PCDHGC5: variants seen among roughly 807,000 people sequenced by gnomAD.
The protein encoded by PCDHGC5 is protocadherin gamma subfamily C, 5.
Under a neutral mutation model 59.0 loss-of-function variants are expected in PCDHGC5, and 25 were observed. The observed-to-expected ratio is 0.42, with a 90% CI of 0.31 to 0.59. The LOEUF (loss-of-function observed/expected upper bound fraction) is 0.59, where lower values mean the gene tolerates loss of function less well. PCDHGC5 is among the 20% of genes least tolerant of loss of function. The probability of loss-of-function intolerance (pLI) is 0.13; values close to 1 mark genes in which losing one functional copy is unlikely to be tolerated. For synonymous variants in PCDHGC5, 434 were observed against 505.5 expected, an observed-to-expected ratio of 0.86 and a Z score of 1.90; for missense variants, 1,067 against 1,206.4, an observed-to-expected ratio of 0.88 and a Z score of 1.71.
Position 141,502,866 on chromosome 5 carries a change from C to CTTTTTTTTTTTTTT in PCDHGC5, c.2520-2526_2520-2513dup, listed in dbSNP as rs549047197. Among the ~76,000 whole-genome samples the CTTTTTTTTTTTTTT allele has an allele frequency of 1.6e-4, 20 of 128,024 alleles. 4 individuals are homozygous for CTTTTTTTTTTTTTT. The highest frequency in any genetic ancestry group is 2.6e-4 in the Admixed American group (3 of 11,660). 84.0% of individuals were successfully genotyped at this position (128,024 alleles called of 152,430 possible). A position where few individuals can be genotyped will look rare whatever the true frequency, so the allele number is the denominator to read the frequency against. The stretch of plus-strand genomic sequence containing the variant: ...GAGCTGCCTAACCCTGACTCTCTGT[C>CTTTTTTTTTTTTTT]TTTTTTTTTTTTTTGACAGGGAGTC... On this transcript the variant is annotated intron_variant, in intron 2 of 3. Transcript: ENST00000252087.
intron 3 of PCDHGC5, 120 bp downstream of exon 3, chr5:141,505,601 C>T (rs1171679451): frequency 6.4e-7 from 1 of 1,550,630 alleles, no homozygotes; most frequent in Non-Finnish European, 8.7e-7. Flanking sequence ...GATCTTTCGG[C>T]AGGTCTGAAA....
rs528779386 is a variant in PCDHGC5, at chr5:141,509,416, C to T, written c.2609-1531C>T. Among the ~76,000 whole-genome samples, 4 of 152,258 alleles carry T rather than the reference C, an allele frequency of 2.6e-5. No individual in the cohort carries two copies. In the East Asian group the frequency reaches 7.7e-4, roughly 29 times the overall value. ...TCTCAGGGCCTCCAGCAGCGAGCCCCAATGAGTCAAACTCTTGTTTCCTCC... is the reference window on the plus strand; with the variant it reads ...TCTCAGGGCCTCCAGCAGCGAGCCCTAATGAGTCAAACTCTTGTTTCCTCC... On this transcript the variant is annotated intron_variant, in intron 3 of 3. Transcript: ENST00000252087.
chr5:141,494,546 G>T (rs984336435), intron 1 of PCDHGC5, among the ~76,000 whole-genome samples: 1 of 152,152 alleles, frequency 6.6e-6, no homozygotes, highest in African/African-American at 2.4e-5. Context: ...GGAGGAAGGG[G>T]CCATTTCTTT....
chr5:141,491,407 G>A lies in PCDHGC5; in HGVS notation c.2167G>A (p.Gly723Arg). ...GAAGTGCCTTCAGGGAAACGCAGAC[G>A]GGGACGGGGGTGGAGGGCAGTGCTG... is the stretch of plus-strand genomic sequence containing the variant. ...SAKCLQGNAD[G>R]DGGGGQCCRR... Residue 723 changes from glycine to arginine, a missense_variant, in exon 1 of 4, where the codon GGG becomes AGG. Transcript: ENST00000252087. The surrounding 1 kb of genome is among the most constrained non-coding windows in gnomAD (Gnocchi z 6.9). The A allele has an allele frequency of 6.2e-7, 1 of 1,614,116 alleles. No individual in the cohort carries two copies. The highest frequency in any genetic ancestry group is 8.5e-7 in the Non-Finnish European group (1 of 1,180,000).
At chr5:141,507,178 G>A (rs548016031) in intron 3 of PCDHGC5, 4 of 152,350 alleles carry the variant, frequency 2.6e-5, no homozygotes, top group East Asian at 3.9e-4. Flanking sequence ...CCTCTTCCTC[G>A]AGCTCTGCTT....
rs2099727742 is a variant in PCDHGC5 at position 141,491,740 on chromosome 5, G to C, written c.2460+40G>C. On this transcript the variant is annotated intron_variant, in intron 1 of 3. Coordinates refer to ENST00000252087, the MANE Select transcript of PCDHGC5 (RefSeq NM_018929.3). The surrounding 1 kb of genome is among the most constrained non-coding windows in gnomAD (Gnocchi z 6.9). Reference sequence around the variant, plus strand: ...GCCGCCCCGGGCGACCCCTGGGGGCGGCACTGGAGAAGCCGCCCGTCCTCA... The same window carrying C: ...GCCGCCCCGGGCGACCCCTGGGGGCCGCACTGGAGAAGCCGCCCGTCCTCA... The C allele has an allele frequency of 6.3e-7, 1 of 1,597,622 alleles. No homozygotes were observed. The highest frequency in any genetic ancestry group is 8.5e-7 in the Non-Finnish European group (1 of 1,173,228).
In PCDHGC5 at chr5:141,505,598, C is replaced by T. The variant is rs532473064; in HGVS notation, c.2608+117C>T. The T allele has an allele frequency of 1.4e-3, 2,157 of 1,556,732 alleles. 3 individuals are homozygous for T. Among genetic ancestry groups the T allele is most frequent in the Non-Finnish European group, 1.8e-3 (2,025 of 1,148,246 alleles). ...ACCTGTGTAGTTTCTCCAGATCTTT[C>T]GGCAGGTCTGAAAGGACCCACAATT... On this transcript the variant is annotated intron_variant, in intron 3 of 3. Coordinates refer to ENST00000252087, the MANE Select transcript of PCDHGC5 (RefSeq NM_018929.3).
Position 141,501,290 on chromosome 5 carries a change from TACACACACACACAC to T in PCDHGC5, c.2520-4072_2520-4059del, listed in dbSNP as rs55762287. ...GTCCAGTCTATGGGATATTCCCTTA[TACACACACACACAC>T]ACACACACACACACACACACACACA... On this transcript the variant is annotated intron_variant, in intron 2 of 3. Transcript: ENST00000252087. Among the ~76,000 whole-genome samples, 10 of 136,248 alleles carry T rather than the reference TACACACACACACAC, an allele frequency of 7.3e-5. No homozygotes were observed. In the South Asian group the frequency reaches 1.2e-3, roughly 16 times the overall value. 89.4% of individuals were successfully genotyped at this position (136,248 alleles called of 152,430 possible).
chr5:141,508,550 G>T (rs1440375100), intron 3 of PCDHGC5, among the ~76,000 whole-genome samples: 3 of 152,138 alleles, frequency 2.0e-5, no homozygotes, highest in Non-Finnish European at 1.5e-5. Flanking sequence ...GGTGGGCGGG[G>T]GATGGCTTTG....
At chr5:141,507,896 G>A (rs1457319438) in intron 3 of PCDHGC5, among the ~76,000 whole-genome samples, 1 of 152,210 alleles carries the variant, frequency 6.6e-6, no homozygotes, top group African/African-American at 2.4e-5. Flanking sequence ...GGTTCCTGAA[G>A]TCCAGCCCAG....
Position 141,490,019 on chromosome 5 carries a change from T to C in PCDHGC5, c.779T>C (p.Leu260Pro). 2 of 1,614,272 alleles carry C rather than the reference T, an allele frequency of 1.2e-6. No homozygotes were observed. Among genetic ancestry groups the C allele is most frequent in the East Asian group, 2.2e-5 (1 of 44,886 alleles). ...CCAGAGAATGCACCCATTGGTACTCTGCTGCTCCGCCTCAATGCCACTGAT... is the reference window on the plus strand; with the variant it reads ...CCAGAGAATGCACCCATTGGTACTCCGCTGCTCCGCCTCAATGCCACTGAT... ...GIPENAPIGT[L>P]LLRLNATDPD... Residue 260 changes from leucine to proline, a missense_variant, in exon 1 of 4, where the codon CTG becomes CCG. Leu to Pro is a moderately conservative substitution (Grantham distance 98). Coordinates refer to ENST00000252087, the MANE Select transcript of PCDHGC5 (RefSeq NM_018929.3). This position sits in a 1 kb window ranked among gnomAD's most constrained non-coding sequence, Gnocchi z 5.4.
intron 2 of PCDHGC5, among the ~76,000 whole-genome samples, chr5:141,498,789 C>T (rs1302940884): frequency 6.6e-6 from 1 of 151,980 alleles, no homozygotes; most frequent in Non-Finnish European, 1.5e-5. Context: ...AAATATTAGC[C>T]AGGTGTGGTG....
At chr5:141,500,562 T>A (rs2099801387) in intron 2 of PCDHGC5, among the ~76,000 whole-genome samples, 1 of 152,202 alleles carries the variant, frequency 6.6e-6, no homozygotes, top group Admixed American at 6.5e-5. Flanking sequence ...CACAAACTTG[T>A]CACACTTTCA....
Position 141,493,508 on chromosome 5 carries a change from C to T in PCDHGC5, c.2461-1299C>T, listed in dbSNP as rs2099748607. 1.3e-5 allele frequency among the ~76,000 whole-genome samples: 2 copies of T among 152,284 alleles called. No homozygotes were observed. The highest frequency in any genetic ancestry group is 4.1e-4 in the South Asian group (2 of 4,820). On this transcript the variant is annotated intron_variant, in intron 1 of 3. Transcript: ENST00000252087. The surrounding 1 kb of genome is among the most constrained non-coding windows in gnomAD (Gnocchi z 4.3). Reference sequence around the variant, plus strand: ...TCTTCTGTGGCTCCTCATTTCTGAGCAGTCCCCGCAGCGCAAACTTGGCCA... The same window carrying T: ...TCTTCTGTGGCTCCTCATTTCTGAGTAGTCCCCGCAGCGCAAACTTGGCCA...
intron 1 of PCDHGC5, among the ~76,000 whole-genome samples, chr5:141,494,463 C>G (rs1178793763): frequency 6.6e-6 from 1 of 152,154 alleles, no homozygotes; most frequent in Non-Finnish European, 1.5e-5. Context: ...TTGTCTGCAC[C>G]TCTTCCCCCA....
At position 141,491,960 on chromosome 5, in the gene PCDHGC5, A is replaced by T. The variant is rs1380758016; in HGVS notation, c.2460+260A>T. The T allele has an allele frequency of 1.0e-6, 1 of 984,842 alleles. No individual in the cohort carries two copies. The highest frequency in any genetic ancestry group is 3.0e-5 in the East Asian group (1 of 33,312). 61.0% of individuals were successfully genotyped at this position (984,842 alleles called of 1,614,324 possible). A position where few individuals can be genotyped will look rare whatever the true frequency, so the allele number is the denominator to read the frequency against. On this transcript the variant is annotated intron_variant, in intron 1 of 3. Coordinates refer to ENST00000252087, the MANE Select transcript of PCDHGC5 (RefSeq NM_018929.3). The surrounding 1 kb of genome is among the most constrained non-coding windows in gnomAD (Gnocchi z 6.9). ...CGACCCCCACCCCTACACTCAAAAA[A>T]GGCCGGGGCCTCCTTCGAGCTTCCG...
chr5:141,499,260 G>T (rs2099790657), intron 2 of PCDHGC5, among the ~76,000 whole-genome samples: 1 of 152,028 alleles, frequency 6.6e-6, no homozygotes, highest in African/African-American at 2.4e-5. Context: ...GTCTCCATTT[G>T]GTCCCTAGAC....
intron 3 of PCDHGC5, 152 bp from the exon 4 acceptor site, chr5:141,510,795 G>C (rs994874330): frequency 9.3e-5 from 136 of 1,465,100 alleles, no homozygotes; most frequent in Admixed American, 1.7e-4. Flanking sequence ...CTTGTGAAGA[G>C]AGACTACCTT....
chr5:141,492,384 C>G (rs1001189412), intron 1 of PCDHGC5, among the ~76,000 whole-genome samples: 1 of 152,230 alleles, frequency 6.6e-6, no homozygotes, highest in Non-Finnish European at 1.5e-5. Context: ...AGGCCTGTTC[C>G]GGTCCACTCG....
Sources: allele counts gnomAD v4.1 joint callset (sites outside exome capture counted in the v4.1 genomes callset), GRCh38; gene constraint gnomAD v4.1.1; non-coding constraint Gnocchi (gnomAD v3.1); transcripts MANE v1.5; gene names NCBI Gene and HGNC (gene_info 2026-07-23, HGNC 2026-07-21).